The following RP1 variants were observed in gnomAD, a reference collection of about 807,000 sequenced individuals.
The protein encoded by RP1 is oxygen-regulated protein 1.
Under a neutral mutation model 14.8 loss-of-function variants are expected in RP1, and 16 were observed. The ratio of observed to expected loss-of-function variants is 1.08; its 90% CI spans 0.73 to 1.65. The LOEUF (loss-of-function observed/expected upper bound fraction) is 1.65, where lower values mean the gene tolerates loss of function less well. Among genes scored for constraint, RP1 ranks in the 40% most tolerant of loss-of-function variants. The pLI is 0.00. For missense variants in RP1, 2,631 were observed against 2,535.0 expected, an observed-to-expected ratio of 1.04 and a Z score of -0.81; for synonymous variants, 876 against 883.6, an observed-to-expected ratio of 0.99 and a Z score of 0.15.
In RP1 at chr8:54,629,231, A is replaced by G. The variant is rs1315876788; in HGVS notation, c.5349A>G (p.Val1783=). The G allele has an allele frequency of 1.2e-6, 2 of 1,614,076 alleles. No individual in the cohort carries two copies. Among genetic ancestry groups the G allele is most frequent in the Non-Finnish European group, 8.5e-7 (1 of 1,179,950 alleles). ...DTLLDNNSSE[V]PYSHFGNLAP... The stretch of plus-strand genomic sequence containing the variant: ...TACTTGATAATAACAGCAGTGAGGT[A>G]CCATATTCACATTTTGGTAATTTGG... The change falls in exon 4 of 4, where the codon GTA becomes GTG. Residue 1783 remains valine (V), a synonymous_variant. Coordinates refer to ENST00000220676, the MANE Select transcript of RP1 (RefSeq NM_006269.2).
At chr8:54,650,667 C>G (rs543880553) in intron 4 of RP1, among the ~76,000 whole-genome samples, 1 of 145,204 alleles carries the variant, frequency 6.9e-6, no homozygotes, top group Non-Finnish European at 1.5e-5. Context: ...TCCCCTCCCC[C>G]GTCTACCTCC....
In RP1 at chr8:54,591,237, C is replaced by T. The variant is rs545783184; in HGVS notation, c.-12-29718C>T. Reference sequence around the variant, plus strand: ...AAAAAGTACAATCTAAACTCCGAACCGCAGTCCAGAGGGCCCTAAAAAATC... The same window carrying T: ...AAAAAGTACAATCTAAACTCCGAACTGCAGTCCAGAGGGCCCTAAAAAATC... On this transcript the variant is annotated intron_variant, in intron 1 of 22. Coordinates refer to the RP1 transcript ENST00000636932. 1.1e-4 allele frequency among the ~76,000 whole-genome samples: 17 copies of T among 152,252 alleles called. No individual in the cohort carries two copies. The East Asian group carries it at 2.7e-3, about 24-fold the overall frequency.
chr8:54,748,670 C>G (rs1809285486), intron 19 of RP1, among the ~76,000 whole-genome samples: 1 of 152,176 alleles, frequency 6.6e-6, no homozygotes, highest in Non-Finnish European at 1.5e-5. Flanking sequence ...ATATTTCTGG[C>G]TATACAAAGA....
chr8:54,734,833 T>G, intron 18 of RP1: 1 of 1,086,272 alleles, frequency 9.2e-7, no homozygotes. Context: ...TGTGTGTGTC[T>G]CCTATATAAA....
At chr8:54,844,841 G>C (rs907515616) in intron 25 of RP1, among the ~76,000 whole-genome samples, 5 of 152,330 alleles carry the variant, frequency 3.3e-5, no homozygotes, top group Admixed American at 2.6e-4. Context: ...ATCTTGGATA[G>C]TTTGGATGGA....
At chr8:54,868,197 A>G (rs761627651) in intron 28 of RP1, among the ~76,000 whole-genome samples, 1 of 152,228 alleles carries the variant, frequency 6.6e-6, no homozygotes, top group Admixed American at 6.5e-5. Context: ...AGGAGTAGAA[A>G]TCATGAAAGT....
chr8:54,768,129 T>C (rs1809810170), intron 22 of RP1, among the ~76,000 whole-genome samples: 1 of 152,238 alleles, frequency 6.6e-6, no homozygotes. Context: ...CAGCCTCCTG[T>C]GCGTCAGCCA....
At chr8:54,852,540 T>C (rs1277691432) in intron 25 of RP1, 4 of 1,210,940 alleles carry the variant, frequency 3.3e-6, no homozygotes, top group Admixed American at 4.2e-5. Flanking sequence ...TAAATAAAAA[T>C]GAGAAAGATA....
chr8:54,770,706 G>C (rs1229393964), downstream of RP1, among the ~76,000 whole-genome samples: 2 of 151,166 alleles, frequency 1.3e-5, no homozygotes, highest in Non-Finnish European at 3.0e-5. Context: ...TTTTTTGTTA[G>C]TAAAAATCTT....
At chr8:54,708,649 GAGCCC>G (rs753946295) in intron 15 of RP1, among the ~76,000 whole-genome samples, 10 of 151,850 alleles carry the variant, frequency 6.6e-5, no homozygotes, top group Non-Finnish European at 1.5e-4. Context: ...GTGAGCCACT[GAGCCC>G]AGCTGAATGG....
chr8:54,702,839 G>A (rs1808057938), intron 14 of RP1, among the ~76,000 whole-genome samples: 1 of 152,202 alleles, frequency 6.6e-6, no homozygotes, highest in Non-Finnish European at 1.5e-5. Context: ...TTTTAACAAT[G>A]TTCACAGTAT....
At chr8:54,658,804 C>T (rs1806814292) in intron 6 of RP1, among the ~76,000 whole-genome samples, 1 of 151,466 alleles carries the variant, frequency 6.6e-6, no homozygotes, top group African/African-American at 2.4e-5. Flanking sequence ...TTTGAGGAAC[C>T]TCCTTACCTT....
At chr8:54,599,895 T>C (rs1354343534) in intron 1 of RP1, among the ~76,000 whole-genome samples, 1 of 152,178 alleles carries the variant, frequency 6.6e-6, no homozygotes, top group African/African-American at 2.4e-5. Context: ...GAAGACCTCC[T>C]TTGACACTGC....
At position 54,625,397 on chromosome 8, in the gene RP1, C is replaced by T. The variant is rs1295587028; in HGVS notation, c.1515C>T (p.Cys505=). The T allele has an allele frequency of 6.2e-7, 1 of 1,613,934 alleles. No individual in the cohort carries two copies. The highest frequency in any genetic ancestry group is 1.1e-5 in the South Asian group (1 of 91,068). ...KSEYHMFTHS[C]SKMSSVSNKP... is the part of the protein sequence containing the mutation. ...AGTATCACATGTTTACACATTCTTG[C>T]AGTAAAATGTCATCAGTATCTAACA... Residue 505 remains cysteine, a synonymous_variant, in exon 4 of 4, where the codon TGC becomes TGT. Transcript: ENST00000220676.
chr8:54,692,382 G>A (rs1585611074), intron 12 of RP1, among the ~76,000 whole-genome samples: 1 of 64,010 alleles, frequency 1.6e-5, no homozygotes, highest in Non-Finnish European at 2.7e-5. Flanking sequence ...GATCCCTGAG[G>A]AATCACCACA....
At chr8:54,600,432 C>T (rs1476257852) in intron 1 of RP1, among the ~76,000 whole-genome samples, 2 of 152,160 alleles carry the variant, frequency 1.3e-5, no homozygotes, top group African/African-American at 2.4e-5. Flanking sequence ...ATTTACCCTG[C>T]AGAGTGGCGG....
At chr8:54,669,400 G>T (rs1365162888) in intron 7 of RP1, among the ~76,000 whole-genome samples, 1 of 152,174 alleles carries the variant, frequency 6.6e-6, no homozygotes, top group Non-Finnish European at 1.5e-5. Flanking sequence ...AGGATGTGGA[G>T]AAATAGGAAC....
At chr8:54,837,122 C>T (rs776359632) in intron 24 of RP1, among the ~76,000 whole-genome samples, 16 of 149,252 alleles carry the variant, frequency 1.1e-4, no homozygotes, top group Non-Finnish European at 2.1e-4. Flanking sequence ...ATAGGATTGT[C>T]TTATTCTTCA....
intron 1 of RP1, among the ~76,000 whole-genome samples, chr8:54,594,909 T>A (rs1348625108): frequency 6.6e-6 from 1 of 152,154 alleles, no homozygotes; most frequent in Non-Finnish European, 1.5e-5. Context: ...TGATAGCATA[T>A]AGTGGGAAGG....
Sources: allele counts gnomAD v4.1 joint callset (sites outside exome capture counted in the v4.1 genomes callset), GRCh38; gene constraint gnomAD v4.1.1; transcripts MANE v1.5; gene names NCBI Gene and HGNC (gene_info 2026-07-23, HGNC 2026-07-21).